NLGN1: variants seen among roughly 807,000 people sequenced by gnomAD.
NLGN1 encodes the protein neuroligin-1.
NLGN1 carries 12 observed loss-of-function variants against 65.5 expected under a neutral mutation model. The observed-to-expected ratio is 0.18, with a 90% CI of 0.12 to 0.30. NLGN1 has a LOEUF of 0.30. Among genes scored for constraint, NLGN1 ranks in the 10% least tolerant of loss-of-function variants. The probability of loss-of-function intolerance (pLI) is 1.00; values close to 1 mark genes in which losing one functional copy is unlikely to be tolerated. For synonymous variants in NLGN1, 350 were observed against 359.5 expected, an observed-to-expected ratio of 0.97 and a Z score of 0.30; for missense variants, 750 against 1,007.1, an observed-to-expected ratio of 0.74 and a Z score of 3.46.
chr3:173,738,197 G>A (rs915019494), intron 3 of NLGN1, among the ~76,000 whole-genome samples: 1 of 151,734 alleles, frequency 6.6e-6, no homozygotes, highest in Non-Finnish European at 1.5e-5. Flanking sequence ...CATTTTATGT[G>A]TAGTCTTTTC....
intron 4 of NLGN1, among the ~76,000 whole-genome samples, chr3:173,812,820 T>C (rs1034494347): frequency 2.0e-5 from 3 of 148,068 alleles, no homozygotes; most frequent in South Asian, 2.1e-4. Context: ...TATAAAACTT[T>C]GGTGTGGTCA....
chr3:173,672,742 T>C, intron 3 of NLGN1, among the ~76,000 whole-genome samples: 1 of 152,254 alleles, frequency 6.6e-6, no homozygotes, highest in Admixed American at 6.5e-5. Flanking sequence ...TATCATTATG[T>C]ATAACATTTT....
chr3:173,953,545 A>ATT (rs1748635133), intron 4 of NLGN1, among the ~76,000 whole-genome samples: 2 of 151,502 alleles, frequency 1.3e-5, no homozygotes, highest in African/African-American at 4.9e-5. Context: ...ATACTTACTT[A>ATT]CTTATTTATT....
At chr3:173,715,353 G>A (rs1375532648) in intron 3 of NLGN1, among the ~76,000 whole-genome samples, 3 of 152,120 alleles carry the variant, frequency 2.0e-5, no homozygotes, top group African/African-American at 4.8e-5. Context: ...CACTTGAAAT[G>A]CATTGTTAAG....
intron 4 of NLGN1, among the ~76,000 whole-genome samples, chr3:174,131,182 G>A (rs961537659): frequency 6.6e-6 from 1 of 152,074 alleles, no homozygotes; most frequent in Non-Finnish European, 1.5e-5. Flanking sequence ...GCTAATGTAC[G>A]AAATACATGG....
intron 4 of NLGN1, among the ~76,000 whole-genome samples, chr3:174,124,780 T>C (rs927312433): frequency 6.6e-6 from 1 of 151,676 alleles, no homozygotes; most frequent in Non-Finnish European, 1.5e-5. Flanking sequence ...ATATTATGAA[T>C]GAGCTAAATG....
chr3:173,768,517 C>A (rs1255695989), intron 3 of NLGN1, among the ~76,000 whole-genome samples: 1 of 152,236 alleles, frequency 6.6e-6, no homozygotes, highest in Non-Finnish European at 1.5e-5. Flanking sequence ...TGCCCAAACT[C>A]TTGAAATGGT....
At chr3:173,627,407 C>T (rs567376182) in intron 3 of NLGN1, among the ~76,000 whole-genome samples, 1 of 152,142 alleles carries the variant, frequency 6.6e-6, no homozygotes, top group African/African-American at 2.4e-5. Flanking sequence ...CCATTACACA[C>T]ACACACACAT....
intron 4 of NLGN1, among the ~76,000 whole-genome samples, chr3:173,921,756 G>A (rs905436924): frequency 1.3e-5 from 2 of 152,158 alleles, no homozygotes; most frequent in Non-Finnish European, 2.9e-5. Context: ...CTTCTTCTAC[G>A]TATAAAACCT....
intron 4 of NLGN1, among the ~76,000 whole-genome samples, 191 bp from the exon 5 acceptor site, chr3:174,275,124 A>AT (rs1231613247): frequency 6.6e-6 from 1 of 151,710 alleles, no homozygotes; most frequent in African/African-American, 2.4e-5. Context: ...GATAAATGTC[A>AT]TTTTTCAGAT....
intron 3 of NLGN1, among the ~76,000 whole-genome samples, chr3:173,722,486 C>T (rs1235821407): frequency 6.6e-5 from 10 of 152,018 alleles, no homozygotes; most frequent in Admixed American, 1.3e-4. Flanking sequence ...GTGATGTGCC[C>T]GCCTTGGCTT....
chr3:174,143,175 C>G (rs1210226529), intron 4 of NLGN1, among the ~76,000 whole-genome samples: 1 of 152,080 alleles, frequency 6.6e-6, no homozygotes, highest in Non-Finnish European at 1.5e-5. Context: ...GAATCACAAT[C>G]CCAGAGAATA....
intron 2 of NLGN1, among the ~76,000 whole-genome samples, chr3:173,587,561 A>G (rs899633060): frequency 1.2e-4 from 18 of 152,306 alleles, no homozygotes; most frequent in Admixed American, 1.1e-3. Context: ...AATTAATTCC[A>G]TTTAGCTCCA....
intron 4 of NLGN1, among the ~76,000 whole-genome samples, chr3:174,213,014 A>C (rs1407403717): frequency 6.6e-6 from 1 of 152,250 alleles, no homozygotes; most frequent in Middle Eastern, 3.2e-3. Flanking sequence ...CCAGGATACT[A>C]TCCTTATTTA....
At position 174,185,713 on chromosome 3, in the gene NLGN1, A is replaced by G. The variant is rs188249046; in HGVS notation, c.647-89602A>G. ...AACAAATTTAATGGTGTCTAAAGAT[A>G]ATTATTGAAAGATGAGAAGAGAAAT... On this transcript the variant is annotated intron_variant, in intron 4 of 6. Transcript: ENST00000457714. Among the ~76,000 whole-genome samples the G allele has an allele frequency of 1.5e-3, 230 of 152,208 alleles. 1 individual carries two copies. Among genetic ancestry groups the G allele is most frequent in the African/African-American group, 4.9e-3 (202 of 41,550 alleles).
chr3:173,401,237 T>G (rs1243127164), intron 1 of NLGN1, among the ~76,000 whole-genome samples: 1 of 114,592 alleles, frequency 8.7e-6, no homozygotes, highest in African/African-American at 3.3e-5. Flanking sequence ...CACCCCCACC[T>G]CATCATGACT....
At chr3:173,570,333 G>A (rs1456713598) in intron 2 of NLGN1, among the ~76,000 whole-genome samples, 4 of 152,192 alleles carry the variant, frequency 2.6e-5, no homozygotes, top group Admixed American at 6.5e-5. Flanking sequence ...CACAAGTAGC[G>A]CAGCATGCTT....
intron 4 of NLGN1, among the ~76,000 whole-genome samples, chr3:173,989,592 C>T (rs1720668778): frequency 6.6e-6 from 1 of 152,148 alleles, no homozygotes. Flanking sequence ...TCTCTGATCT[C>T]ACTCACTATA....
At chr3:173,978,021 A>G (rs966495317) in intron 4 of NLGN1, among the ~76,000 whole-genome samples, 40 of 152,172 alleles carry the variant, frequency 2.6e-4, no homozygotes, top group African/African-American at 9.4e-4. Flanking sequence ...GAAAACGAGG[A>G]GAGAATTGTC....
Sources: allele counts gnomAD v4.1 joint callset (sites outside exome capture counted in the v4.1 genomes callset), GRCh38; gene constraint gnomAD v4.1.1; transcripts MANE v1.5; gene names NCBI Gene and HGNC (gene_info 2026-07-23, HGNC 2026-07-21).